PSD3: variants seen among roughly 807,000 people sequenced by gnomAD.
PSD3 encodes the protein PH and SEC7 domain-containing protein 3.
PSD3 carries 49 observed loss-of-function variants against 105.5 expected under a neutral mutation model. The ratio of observed to expected loss-of-function variants is 0.46; its 90% CI spans 0.37 to 0.59. The LOEUF (loss-of-function observed/expected upper bound fraction) is 0.59, where lower values mean the gene tolerates loss of function less well. Ranked by LOEUF, PSD3 falls within the 20% of genes least tolerant of loss-of-function variation. PSD3 has a pLI of 0.00. For synonymous variants in PSD3, 557 were observed against 457.8 expected (o/e 1.22, Z -2.77); for missense variants, 1,561 against 1,263.8 (o/e 1.24, Z -3.57).
In PSD3 at chr8:18,535,716, C is replaced by T; in HGVS notation, c.*27G>A. Reference sequence around the variant, plus strand: ...TGAAAAACCCTATTTTGCTCCATGACCAGCACTTCCTGGCCGCAGATGGAC... The same window carrying T: ...TGAAAAACCCTATTTTGCTCCATGATCAGCACTTCCTGGCCGCAGATGGAC... On this transcript the variant is annotated 3_prime_UTR_variant, in exon 16 of 16. Coordinates refer to ENST00000327040, the MANE Select transcript of PSD3 (RefSeq NM_015310.4). 1 of 1,555,376 alleles carries T rather than the reference C, an allele frequency of 6.4e-7. No homozygotes were observed. Among genetic ancestry groups the T allele is most frequent in the Non-Finnish European group, 8.9e-7 (1 of 1,126,736 alleles).
intron 12 of PSD3, among the ~76,000 whole-genome samples, chr8:18,595,504 A>G (rs1372496201): frequency 2.0e-5 from 3 of 150,678 alleles, no homozygotes; most frequent in East Asian, 3.9e-4. Flanking sequence ...GAGAGAGAGA[A>G]AAAAAAACCC....
At chr8:18,644,774 G>C (rs1807908101) in intron 10 of PSD3, among the ~76,000 whole-genome samples, 1 of 152,126 alleles carries the variant, frequency 6.6e-6, no homozygotes, top group Non-Finnish European at 1.5e-5. Context: ...TATAGCAACA[G>C]CCCTAATTCT....
chr8:18,961,052 A>G (rs1372909641), intron 1 of PSD3, among the ~76,000 whole-genome samples: 1 of 152,150 alleles, frequency 6.6e-6, no homozygotes, highest in African/African-American at 2.4e-5. Flanking sequence ...TAACAGAGTC[A>G]CTGCCCTCCA....
intron 11 of PSD3, among the ~76,000 whole-genome samples, chr8:18,622,283 G>C (rs1236606073): frequency 6.6e-6 from 1 of 152,252 alleles, no homozygotes; most frequent in East Asian, 1.9e-4. Context: ...AGCCTCCTTT[G>C]ATTCATTTCT....
At chr8:18,613,875 C>T (rs1181104717) in intron 11 of PSD3, among the ~76,000 whole-genome samples, 2 of 152,180 alleles carry the variant, frequency 1.3e-5, no homozygotes, top group African/African-American at 4.8e-5. Flanking sequence ...CGCTGCAACT[C>T]CTAAACAGCA....
intron 4 of PSD3, among the ~76,000 whole-genome samples, chr8:18,848,144 C>G (rs894343228): frequency 6.7e-6 from 1 of 149,072 alleles, no homozygotes; most frequent in Admixed American, 6.7e-5. Context: ...AAAAAAAAAT[C>G]CCTAAATCCT....
At chr8:18,779,160 T>C (rs1377997605) in intron 8 of PSD3, among the ~76,000 whole-genome samples, 2 of 152,194 alleles carry the variant, frequency 1.3e-5, no homozygotes, top group African/African-American at 2.4e-5. Flanking sequence ...AGGTGTTCTA[T>C]TTCTTCATGG....
intron 1 of PSD3, among the ~76,000 whole-genome samples, chr8:18,975,548 A>C (rs952094617): frequency 6.6e-6 from 1 of 152,186 alleles, no homozygotes; most frequent in African/African-American, 2.4e-5. Flanking sequence ...CATAAGATTA[A>C]AATAGAAAGA....
At chr8:18,694,435 C>G (rs180733512) in intron 9 of PSD3, among the ~76,000 whole-genome samples, 74 of 152,254 alleles carry the variant, frequency 4.9e-4, no homozygotes, top group African/African-American at 1.7e-3. Flanking sequence ...ATGGTGAAAC[C>G]CTGTCTCTAT....
chr8:19,051,284 A>G (rs1331087672), intron 1 of PSD3, among the ~76,000 whole-genome samples: 1 of 152,038 alleles, frequency 6.6e-6, no homozygotes, highest in South Asian at 2.1e-4. Flanking sequence ...TTTCAGTTCC[A>G]TTATCCAGGT....
chr8:18,944,307 C>T (rs1251855606), intron 1 of PSD3, among the ~76,000 whole-genome samples: 1 of 152,162 alleles, frequency 6.6e-6, no homozygotes, highest in African/African-American at 2.4e-5. Context: ...TGGTGGCTCA[C>T]GCCTGCAATC....
intron 8 of PSD3, among the ~76,000 whole-genome samples, chr8:18,784,671 T>C (rs1808959648): frequency 6.6e-6 from 1 of 152,134 alleles, no homozygotes; most frequent in Non-Finnish European, 1.5e-5. Context: ...CCCTTTAATA[T>C]CAAAGATATT....
chr8:18,696,894 A>C (rs1179489713), intron 9 of PSD3, among the ~76,000 whole-genome samples: 1 of 152,182 alleles, frequency 6.6e-6, no homozygotes, highest in Non-Finnish European at 1.5e-5. Flanking sequence ...GAAAACAAGT[A>C]AAATTAACTT....
chr8:18,854,863 C>T (rs574137826), intron 4 of PSD3, among the ~76,000 whole-genome samples: 5 of 151,952 alleles, frequency 3.3e-5, no homozygotes, highest in East Asian at 1.9e-4. Flanking sequence ...TTTTTCTGCT[C>T]GTGGATGTGA....
intron 1 of PSD3, among the ~76,000 whole-genome samples, chr8:19,073,610 G>T (rs1829347250): frequency 1.4e-5 from 2 of 142,446 alleles, no homozygotes; most frequent in East Asian, 2.1e-4. Flanking sequence ...CTTAATAATT[G>T]TCTTGTCTGA....
At chr8:18,674,525 C>G (rs981274075) in intron 9 of PSD3, among the ~76,000 whole-genome samples, 5 of 152,196 alleles carry the variant, frequency 3.3e-5, no homozygotes, top group African/African-American at 1.2e-4. Context: ...TAAAAGCACA[C>G]TGTTACCTTA....
chr8:18,653,871 G>C lies in PSD3; in HGVS notation c.2216+1771C>G, dbSNP rs186465118. On this transcript the variant is annotated intron_variant, in intron 10 of 15. Transcript: ENST00000327040. ...TCTTCAATGTATTCTCTTGCCCAGA[G>C]TGAATATGATGATGCCATTTTTATT... Among the ~76,000 whole-genome samples the C allele has an allele frequency of 3.3e-5, 5 of 152,028 alleles. No individual in the cohort carries two copies. In the East Asian group the frequency reaches 9.7e-4, roughly 29 times the overall value.
intron 12 of PSD3, among the ~76,000 whole-genome samples, chr8:18,576,767 A>C (rs1033722330): frequency 6.6e-6 from 1 of 152,144 alleles, no homozygotes; most frequent in Non-Finnish European, 1.5e-5. Context: ...AATGAGGAGA[A>C]ATGATGAGGG....
At chr8:19,055,118 G>C (rs191630428) in intron 1 of PSD3, among the ~76,000 whole-genome samples, 13 of 152,274 alleles carry the variant, frequency 8.5e-5, no homozygotes, top group Non-Finnish European at 1.3e-4. Flanking sequence ...CAAGAAATAA[G>C]CCTTTGTTGC....
Sources: allele counts gnomAD v4.1 joint callset (sites outside exome capture counted in the v4.1 genomes callset), GRCh38; gene constraint gnomAD v4.1.1; transcripts MANE v1.5; gene names NCBI Gene and HGNC (gene_info 2026-07-23, HGNC 2026-07-21).